The following SPECC1L variants were observed in gnomAD, a reference collection of about 807,000 sequenced individuals.
The protein encoded by SPECC1L is sperm antigen with calponin homology and coiled-coil domains 1 like, also known as cytospin-A.
Under a neutral mutation model 116.8 loss-of-function variants are expected in SPECC1L, and 40 were observed. The observed-to-expected ratio is 0.34, with a 90% confidence interval of 0.27 to 0.45. The LOEUF is 0.45. Ranked by LOEUF, SPECC1L falls within the 20% of genes least tolerant of loss-of-function variation. SPECC1L has a pLI of 1.00. For synonymous variants in SPECC1L, 504 were observed against 500.6 expected (o/e 1.01, Z -0.09); for missense variants, 1,110 against 1,373.6 (o/e 0.81, Z 3.03).
chr22:24,339,916 C>G (rs2146536642), intron 10 of SPECC1L, among the ~76,000 whole-genome samples: 1 of 152,202 alleles, frequency 6.6e-6, no homozygotes, highest in South Asian at 2.1e-4. Flanking sequence ...TCCCAAGTAG[C>G]TGGGACCACA....
chr22:24,378,471 A>C (rs967261297), intron 14 of SPECC1L, among the ~76,000 whole-genome samples: 2 of 152,242 alleles, frequency 1.3e-5, no homozygotes, highest in African/African-American at 4.8e-5. Context: ...TTTCCTCTGC[A>C]TTCACAACTT....
chr22:24,360,578 T>C (rs2041624061), intron 11 of SPECC1L, among the ~76,000 whole-genome samples: 1 of 152,136 alleles, frequency 6.6e-6, no homozygotes, highest in South Asian at 2.1e-4. Context: ...CAATTGTGCT[T>C]ATAGTGTGTA....
intron 14 of SPECC1L, among the ~76,000 whole-genome samples, chr22:24,380,131 A>G (rs781169831): frequency 3.3e-5 from 5 of 152,224 alleles, no homozygotes; most frequent in Non-Finnish European, 7.3e-5. Context: ...TCAGCCTCCC[A>G]AAGTGCTGGG....
At chr22:24,313,643 T>C (rs1165611549) in intron 4 of SPECC1L, among the ~76,000 whole-genome samples, 177 bp downstream of exon 4, 1 of 152,108 alleles carries the variant, frequency 6.6e-6, no homozygotes, top group African/African-American at 2.4e-5. Flanking sequence ...CAGTTGTAAC[T>C]CCTGATACCC....
chr22:24,393,536 G>A (rs1279033851), intron 14 of SPECC1L, among the ~76,000 whole-genome samples: 1 of 152,180 alleles, frequency 6.6e-6, no homozygotes, highest in Non-Finnish European at 1.5e-5. Flanking sequence ...CTTGGACTGT[G>A]CCTGGACTGT....
At chr22:24,390,874 T>TTTTC (rs2042255687) in intron 14 of SPECC1L, among the ~76,000 whole-genome samples, 2 of 63,988 alleles carry the variant, frequency 3.1e-5, no homozygotes, top group African/African-American at 5.5e-5. Flanking sequence ...TTTCTTTTCT[T>TTTTC]TTTTTTTTTT....
intron 4 of SPECC1L, among the ~76,000 whole-genome samples, chr22:24,318,116 G>A (rs1245670806): frequency 6.8e-6 from 1 of 146,326 alleles, no homozygotes; most frequent in Non-Finnish European, 1.5e-5. Flanking sequence ...TTCCCAGACG[G>A]GGTGGGGCCG....
intron 3 of SPECC1L, among the ~76,000 whole-genome samples, chr22:24,312,946 T>G (rs1402951541): frequency 1.3e-5 from 2 of 152,234 alleles, no homozygotes; most frequent in African/African-American, 4.8e-5. Flanking sequence ...ATTATTTGAC[T>G]CTCAAGGATA....
At chr22:24,404,809 G>A (rs970104428) in intron 14 of SPECC1L, among the ~76,000 whole-genome samples, 3 of 152,118 alleles carry the variant, frequency 2.0e-5, no homozygotes, top group East Asian at 3.9e-4. Flanking sequence ...GTGAGGACTC[G>A]CTGAGTGTGC....
At chr22:24,312,541 T>G (rs1294693235) in intron 3 of SPECC1L, among the ~76,000 whole-genome samples, 1 of 152,198 alleles carries the variant, frequency 6.6e-6, no homozygotes, top group African/African-American at 2.4e-5. Context: ...GTTTTTCTCT[T>G]TTTTTCCCCC....
At chr22:24,285,315 G>A (rs555542343) in intron 2 of SPECC1L, among the ~76,000 whole-genome samples, 8 of 152,314 alleles carry the variant, frequency 5.3e-5, no homozygotes, top group African/African-American at 1.9e-4. Context: ...TGTGGGCTGA[G>A]CATTTTCCTT....
chr22:24,319,331 C>G (rs2040670871), intron 4 of SPECC1L, among the ~76,000 whole-genome samples: 1 of 152,166 alleles, frequency 6.6e-6, no homozygotes, highest in Non-Finnish European at 1.5e-5. Flanking sequence ...GAATGAGAGC[C>G]AAGCAAAGGG....
intron 14 of SPECC1L, among the ~76,000 whole-genome samples, chr22:24,393,673 G>A (rs1468566405): frequency 6.6e-6 from 1 of 151,982 alleles, no homozygotes; most frequent in African/African-American, 2.4e-5. Flanking sequence ...GTTGCATTGA[G>A]GTATAGTTGA....
intron 2 of SPECC1L, among the ~76,000 whole-genome samples, chr22:24,295,866 T>G (rs552172240): frequency 2.2e-4 from 34 of 152,220 alleles, no homozygotes; most frequent in African/African-American, 8.2e-4. Flanking sequence ...GAGAATCACT[T>G]GAACCCGGGA....
intron 2 of SPECC1L, among the ~76,000 whole-genome samples, chr22:24,288,450 A>G (rs2049088215): frequency 2.0e-5 from 3 of 151,842 alleles, no homozygotes. Context: ...CTTTATACTC[A>G]CTAGACACAG....
chr22:24,410,853 A>C (rs2146817185), intron 14 of SPECC1L, among the ~76,000 whole-genome samples: 1 of 152,282 alleles, frequency 6.6e-6, no homozygotes, highest in South Asian at 2.1e-4. Context: ...TTCAACAACC[A>C]ATGGAGAATG....
At chr22:24,311,412 G>C (rs2040457760) in intron 3 of SPECC1L, among the ~76,000 whole-genome samples, 1 of 152,224 alleles carries the variant, frequency 6.6e-6, no homozygotes, top group Non-Finnish European at 1.5e-5. Flanking sequence ...TACTGGCTAA[G>C]AGAGGAGGGA....
chr22:24,326,837 CT>C (rs1325595273), intron 6 of SPECC1L, among the ~76,000 whole-genome samples: 1 of 152,176 alleles, frequency 6.6e-6, no homozygotes, highest in Non-Finnish European at 1.5e-5. Context: ...AGAATTGCCC[CT>C]GCCGCCAACG....
At chr22:24,299,149 A>G (rs2049325182) in intron 2 of SPECC1L, among the ~76,000 whole-genome samples, 1 of 152,190 alleles carries the variant, frequency 6.6e-6, no homozygotes, top group Non-Finnish European at 1.5e-5. Flanking sequence ...ATTGAAATTT[A>G]TATTTATTTT....
Sources: gnomAD v4.1 joint callset for allele counts (sites outside exome capture counted in the v4.1 genomes callset) on GRCh38, gnomAD v4.1.1 for gene constraint, MANE v1.5 for transcripts, NCBI Gene and HGNC (gene_info 2026-07-23, HGNC 2026-07-21) for gene names.